Variants in GALK2 observed in about 807,000 individuals in gnomAD.
GALK2 encodes the protein galactokinase 2.
A neutral mutation model predicts 52.4 loss-of-function variants in GALK2; 36 were observed. The ratio of observed to expected loss-of-function variants is 0.69; its 90% CI spans 0.53 to 0.91. The LOEUF (loss-of-function observed/expected upper bound fraction) is 0.91. Ranked by LOEUF, GALK2 falls within the 40% of genes least tolerant of loss-of-function variation. The pLI, the probability that GALK2 is intolerant of heterozygous loss-of-function variation, is 0.00. For synonymous variants in GALK2, 176 were observed against 199.1 expected, an observed-to-expected ratio of 0.88 and a Z score of 0.98; for missense variants, 579 against 559.1, an observed-to-expected ratio of 1.04 and a Z score of -0.36.
chr15:49,174,610 C>T (rs767960032), intron 1 of GALK2, among the ~76,000 whole-genome samples: 15 of 152,148 alleles, frequency 9.9e-5, no homozygotes, highest in Non-Finnish European at 1.9e-4. Context: ...TCCCAAAGTG[C>T]TGGGATTACA....
chr15:49,163,281 C>T (rs2084714201), intron 1 of GALK2, among the ~76,000 whole-genome samples: 1 of 152,132 alleles, frequency 6.6e-6, no homozygotes, highest in South Asian at 2.1e-4. Context: ...ATCTATGTAT[C>T]TTCTTTGGTG....
Position 49,223,671 on chromosome 15 carries a change from T to C in GALK2, c.266+6358T>C, listed in dbSNP as rs55875053. Among the ~76,000 whole-genome samples the C allele has an allele frequency of 5.4e-3, 822 of 152,294 alleles. 15 individuals carry two copies. Among genetic ancestry groups the C allele is most frequent in the East Asian group, 0.047 (241 of 5,174 alleles). ...GATTTTCTTCCTGTGTTAATTTGCTTAGGACTATAGCCTCCAGCTGCATCC... is the reference window on the plus strand; with the variant it reads ...GATTTTCTTCCTGTGTTAATTTGCTCAGGACTATAGCCTCCAGCTGCATCC... On this transcript the variant is annotated intron_variant, in intron 3 of 9. Transcript: ENST00000560031.
chr15:49,354,031 A>G (rs1251975678), intron 3 of GALK2: 1 of 152,196 alleles, frequency 6.6e-6, no homozygotes, highest in Non-Finnish European at 1.5e-5. Flanking sequence ...AGCTGGTGAC[A>G]CTTCTGGAGT....
At position 49,305,993 on chromosome 15, in the gene GALK2, A is replaced by G. The variant is rs528986823; in HGVS notation, c.967+13456A>G. Among the ~76,000 whole-genome samples the G allele has an allele frequency of 2.6e-5, 4 of 152,324 alleles. No individual in the cohort carries two copies. The East Asian group carries it at 5.8e-4, about 22-fold the overall frequency. On this transcript the variant is annotated intron_variant, in intron 8 of 9. Coordinates refer to ENST00000560031, the MANE Select transcript of GALK2 (RefSeq NM_002044.4). ...ACCTTGAGAATAGGAACATCTCTAG[A>G]TGTTTGTGAAAGTGAAAGATTTTTA...
intron 8 of GALK2, among the ~76,000 whole-genome samples, chr15:49,298,516 T>C (rs1414418227): frequency 6.6e-6 from 1 of 152,174 alleles, no homozygotes; most frequent in Non-Finnish European, 1.5e-5. Context: ...GCCTCTAGCT[T>C]TTGCCTGTTT....
intron 1 of GALK2, among the ~76,000 whole-genome samples, chr15:49,175,074 A>T (rs2085348954): frequency 6.6e-6 from 1 of 152,212 alleles, no homozygotes; most frequent in Non-Finnish European, 1.5e-5. Context: ...ATACATATTT[A>T]TGAGGGGAGC....
At chr15:49,282,139 C>T in intron 6 of GALK2, 54 bp downstream of exon 6, 1 of 1,350,200 alleles carries the variant, frequency 7.4e-7, no homozygotes, top group Non-Finnish European at 1.1e-6. Context: ...GGAAAATTTA[C>T]ATGGAGAAGA....
chr15:49,212,927 A>G (rs1488697718), intron 2 of GALK2, among the ~76,000 whole-genome samples: 1 of 152,196 alleles, frequency 6.6e-6, no homozygotes, highest in South Asian at 2.1e-4. Flanking sequence ...CTTAAGATCT[A>G]TCCTGGAGAA....
chr15:49,202,809 T>G (rs1352069672), intron 2 of GALK2, among the ~76,000 whole-genome samples: 1 of 152,176 alleles, frequency 6.6e-6, no homozygotes, highest in African/African-American at 2.4e-5. Flanking sequence ...CTAATTTACT[T>G]TCCCACCAAC....
chr15:49,351,643 G>T (rs2042261052), intron 3 of GALK2, among the ~76,000 whole-genome samples: 1 of 152,116 alleles, frequency 6.6e-6, no homozygotes, highest in Non-Finnish European at 1.5e-5. Flanking sequence ...CGTGTAGGAG[G>T]CTTATTTGAG....
At chr15:49,196,070 A>G (rs1323244643) in intron 1 of GALK2, among the ~76,000 whole-genome samples, 1 of 151,902 alleles carries the variant, frequency 6.6e-6, no homozygotes, top group Non-Finnish European at 1.5e-5. Flanking sequence ...TCATTAGCTA[A>G]TGGCTTATTT....
At chr15:49,280,327 C>T (rs1034531995) in intron 5 of GALK2, among the ~76,000 whole-genome samples, 3 of 152,112 alleles carry the variant, frequency 2.0e-5, no homozygotes, top group African/African-American at 7.2e-5. Flanking sequence ...GCAGGTTCCA[C>T]GGCAAGGTGC....
At chr15:49,223,082 T>C (rs1019044366) in intron 3 of GALK2, 1 of 152,198 alleles carries the variant, frequency 6.6e-6, no homozygotes, top group Admixed American at 6.5e-5. Flanking sequence ...AGTCTGTTTA[T>C]GTTTTTTGTT....
At chr15:49,300,908 G>T (rs896731430) in intron 8 of GALK2, among the ~76,000 whole-genome samples, 1 of 152,200 alleles carries the variant, frequency 6.6e-6, no homozygotes, top group Non-Finnish European at 1.5e-5. Context: ...ATACAGTAGT[G>T]TTGGTGGGCT....
At chr15:49,301,268 A>C (rs1303091243) in intron 8 of GALK2, among the ~76,000 whole-genome samples, 1 of 152,190 alleles carries the variant, frequency 6.6e-6, no homozygotes, top group East Asian at 1.9e-4. Flanking sequence ...AGATTTAGAA[A>C]TGCTCAGTGG....
At chr15:49,200,276 T>C (rs1480009079) in intron 1 of GALK2, among the ~76,000 whole-genome samples, 1 of 152,172 alleles carries the variant, frequency 6.6e-6, no homozygotes, top group African/African-American at 2.4e-5. Context: ...TTGCCGAACT[T>C]TGACATTGAA....
At chr15:49,233,127 G>A (rs2090598266) in intron 3 of GALK2, among the ~76,000 whole-genome samples, 1 of 152,170 alleles carries the variant, frequency 6.6e-6, no homozygotes. Flanking sequence ...AAGGAAAAGA[G>A]GTTTAATTGA....
intron 1 of GALK2, among the ~76,000 whole-genome samples, chr15:49,187,266 C>T (rs78258177): frequency 0.01 from 1,530 of 152,300 alleles, 23 homozygotes; most frequent in African/African-American, 0.035. Flanking sequence ...GTCTTTAAAT[C>T]TTTACCATCA....
intron 1 of GALK2, among the ~76,000 whole-genome samples, chr15:49,183,476 C>T (rs984750604): frequency 2.0e-5 from 3 of 152,186 alleles, no homozygotes; most frequent in South Asian, 2.1e-4. Context: ...TAAAGTTCCT[C>T]TTATTGATTT....
Sources: gnomAD v4.1 joint callset for allele counts (sites outside exome capture counted in the v4.1 genomes callset) on GRCh38, gnomAD v4.1.1 for gene constraint, MANE v1.5 for transcripts, NCBI Gene and HGNC (gene_info 2026-07-23, HGNC 2026-07-21) for gene names.